COL11A1: variants seen among roughly 807,000 people sequenced by gnomAD.
COL11A1 encodes the protein collagen type XI alpha 1 chain.
Under a neutral mutation model 265.2 loss-of-function variants are expected in COL11A1, and 74 were observed. That is an observed-to-expected ratio of 0.28 (90% CI 0.23 to 0.34). The LOEUF (loss-of-function observed/expected upper bound fraction) is 0.34, where lower values mean the gene tolerates loss of function less well. COL11A1 is among the 10% of genes least tolerant of loss of function. The pLI is 1.00. For missense variants in COL11A1, 2,165 were observed against 2,263.6 expected, an observed-to-expected ratio of 0.96 and a Z score of 0.88; for synonymous variants, 816 against 727.6, an observed-to-expected ratio of 1.12 and a Z score of -1.96.
intron 24 of COL11A1, among the ~76,000 whole-genome samples, chr1:102,999,902 AT>A (rs769255367): frequency 1.1e-3 from 173 of 152,032 alleles, no homozygotes; most frequent in Middle Eastern, 3.4e-3. Flanking sequence ...ATACATTATC[AT>A]TAAAAAGTGT....
rs1240915709 is a variant in COL11A1, at chr1:102,886,809, T to C, written c.4856A>G (p.Asp1619Gly). 1.2e-6 allele frequency: 2 copies of C among 1,613,838 alleles called. No individual in the cohort carries two copies. Among genetic ancestry groups the C allele is most frequent in the Admixed American group, 1.7e-5 (1 of 60,004 alleles). Residue 1619 changes from aspartate (D) to glycine (G), a missense_variant and splice_region_variant, in exon 63 of 67, where the codon GAT (aspartate) becomes GGT (glycine). By Grantham distance (94) the Asp-to-Gly change is moderately conservative. Coordinates refer to ENST00000370096, the MANE Select transcript of COL11A1 (RefSeq NM_001854.4). ...TTTGTCATGTATTATTTACATACCA[T>C]CTGGGAAGTCAGGATGGCTGAGTTG... is the stretch of plus-strand genomic sequence containing the variant. Reference protein sequence around the residue: ...DLQLSHPDFPDGEYWIDPNQG... With the variant: ...DLQLSHPDFPGGEYWIDPNQG...
At chr1:103,047,058 A>C (rs935530160) in intron 4 of COL11A1, among the ~76,000 whole-genome samples, 1 of 151,920 alleles carries the variant, frequency 6.6e-6, no homozygotes, top group Non-Finnish European at 1.5e-5. Flanking sequence ...CAGCTTTGTT[A>C]TTTTGGCTTG....
chr1:102,924,712 C>T (rs1324499829), intron 46 of COL11A1, among the ~76,000 whole-genome samples: 1 of 151,846 alleles, frequency 6.6e-6, no homozygotes, highest in East Asian at 1.9e-4. Context: ...CCTGTCATTC[C>T]AAAAGTTTAA....
chr1:102,902,925 T>C (rs1298751657), intron 54 of COL11A1, among the ~76,000 whole-genome samples: 1 of 151,664 alleles, frequency 6.6e-6, no homozygotes, highest in Non-Finnish European at 1.5e-5. Flanking sequence ...GCATAATAAG[T>C]TAAAACTTCA....
intron 1 of COL11A1, among the ~76,000 whole-genome samples, chr1:103,083,681 A>G (rs1672619316): frequency 6.6e-6 from 1 of 152,216 alleles, no homozygotes; most frequent in Non-Finnish European, 1.5e-5. Context: ...ACAAAGGTGT[A>G]TGTATGTATC....
intron 54 of COL11A1, among the ~76,000 whole-genome samples, chr1:102,905,308 G>A (rs141440447): frequency 0.05 from 7,495 of 149,854 alleles, 350 homozygotes; most frequent in African/African-American, 0.11. Flanking sequence ...CACCAACATG[G>A]CACATGTATA....
chr1:102,879,710 A>G lies in COL11A1; in HGVS notation c.5247T>C (p.Phe1749=), dbSNP rs2101006660. ...DEEMSYDNNP[F]IKTLYDGCAS... Reference sequence around the variant, plus strand: ...CACAACCATCATACAGTGTTTTGATAAAAGGATTATTGTCATAGGACATCT... The same window carrying G: ...CACAACCATCATACAGTGTTTTGATGAAAGGATTATTGTCATAGGACATCT... Residue 1749 remains phenylalanine (F), a synonymous_variant, in exon 66 of 67, where the codon TTT becomes TTC. Coordinates refer to ENST00000370096, the MANE Select transcript of COL11A1 (RefSeq NM_001854.4). 6.2e-7 allele frequency: 1 copy of G among 1,613,866 alleles called. No individual in the cohort carries two copies.
At chr1:102,997,211 T>C in intron 25 of COL11A1, 87 bp from the exon 26 acceptor site, 1 of 1,194,070 alleles carries the variant, frequency 8.4e-7, no homozygotes, top group Non-Finnish European at 1.3e-6. Context: ...TTATTAAATC[T>C]ACTAAGATCT....
At chr1:103,021,138 G>A (rs945770330) in intron 9 of COL11A1, among the ~76,000 whole-genome samples, 57 of 150,420 alleles carry the variant, frequency 3.8e-4, no homozygotes, top group Admixed American at 7.9e-4. Flanking sequence ...TGGCAAAACC[G>A]CTTCCAAGTA....
At chr1:103,012,306 AC>A in intron 14 of COL11A1, 106 bp downstream of exon 14, 1 of 798,376 alleles carries the variant, frequency 1.3e-6, no homozygotes, top group South Asian at 1.4e-5. Context: ...ATGAAAACAT[AC>A]CCTATTGTCA....
intron 46 of COL11A1, among the ~76,000 whole-genome samples, chr1:102,927,726 T>C (rs1231226176): frequency 6.6e-6 from 1 of 152,174 alleles, no homozygotes; most frequent in Non-Finnish European, 1.5e-5. Flanking sequence ...TTGTAAGATA[T>C]ATTTGAACAG....
intron 58 of COL11A1, 105 bp downstream of exon 58, chr1:102,890,346 G>T (rs1428199160): frequency 2.0e-6 from 2 of 1,022,852 alleles, no homozygotes; most frequent in Non-Finnish European, 2.9e-6. Context: ...TTAGAATGAA[G>T]ATATTGTTTG....
intron 26 of COL11A1, among the ~76,000 whole-genome samples, chr1:102,996,636 T>C (rs1664658380): frequency 6.6e-6 from 1 of 151,922 alleles, no homozygotes; most frequent in East Asian, 1.9e-4. Flanking sequence ...CCCCTGCTAC[T>C]GTAATCTAAA....
At position 103,017,840 on chromosome 1, in the gene COL11A1, G is replaced by A. The variant is rs1250694021; in HGVS notation, c.1393C>T (p.Pro465Ser). Residue 465 changes from proline to serine, a missense_variant, in exon 11 of 67, where the codon CCT (proline) becomes TCT (serine). Transcript: ENST00000370096. ...PPGLQGPTGP[P>S]GDPGDRGPPG... ...CTTACCCTATCGCCAGGGTCACCAGGGGGTCCAGTGGGGCCTTGTAGACCT... is the reference window on the plus strand; with the variant it reads ...CTTACCCTATCGCCAGGGTCACCAGAGGGTCCAGTGGGGCCTTGTAGACCT... 6.2e-7 allele frequency: 1 copy of A among 1,613,002 alleles called. No homozygotes were observed. The highest frequency in any genetic ancestry group is 8.5e-7 in the Non-Finnish European group (1 of 1,179,278).
chr1:103,077,831 A>T (rs1279094152), intron 3 of COL11A1, among the ~76,000 whole-genome samples: 2 of 152,046 alleles, frequency 1.3e-5, no homozygotes, highest in Admixed American at 6.6e-5. Flanking sequence ...TTCAAACCCC[A>T]TCTCTATCAC....
At chr1:103,092,809 A>C (rs1444045603) in intron 1 of COL11A1, among the ~76,000 whole-genome samples, 1 of 152,128 alleles carries the variant, frequency 6.6e-6, no homozygotes. Flanking sequence ...CTGAAGTACC[A>C]TTAATGTTTC....
At chr1:102,998,445 C>A (rs983937830) in intron 24 of COL11A1, 82 bp from the exon 25 acceptor site, 10 of 944,596 alleles carry the variant, frequency 1.1e-5, no homozygotes, top group East Asian at 2.8e-5. Flanking sequence ...GAATGAAATT[C>A]TTATCCTGAG....
intron 47 of COL11A1, among the ~76,000 whole-genome samples, chr1:102,922,688 C>A (rs1006327339): frequency 6.6e-6 from 1 of 152,128 alleles, no homozygotes; most frequent in Admixed American, 6.5e-5. Flanking sequence ...CGTGAGCCAC[C>A]GCTCCCGGCC....
chr1:102,982,043 C>A (rs1008115852), intron 31 of COL11A1, among the ~76,000 whole-genome samples: 4 of 151,778 alleles, frequency 2.6e-5, no homozygotes, highest in African/African-American at 9.7e-5. Context: ...TTTTGGATGT[C>A]CCAGTTTTTC....
Sources: gnomAD v4.1 joint callset for allele counts (sites outside exome capture counted in the v4.1 genomes callset) on GRCh38, gnomAD v4.1.1 for gene constraint, MANE v1.5 for transcripts, NCBI Gene and HGNC (gene_info 2026-07-23, HGNC 2026-07-21) for gene names.